Variants in THEMIS observed in about 807,000 individuals in gnomAD.
THEMIS encodes protein THEMIS.
THEMIS carries 37 observed loss-of-function variants against 52.6 expected under a neutral mutation model. The observed-to-expected ratio is 0.70, with a 90% CI of 0.54 to 0.93. THEMIS has a LOEUF of 0.93. Ranked by LOEUF, THEMIS falls within the 40% of genes least tolerant of loss-of-function variation. The pLI, the probability that THEMIS is intolerant of heterozygous loss-of-function variation, is 0.00. For missense variants in THEMIS, 808 were observed against 763.1 expected (o/e 1.06, Z -0.69); for synonymous variants, 292 against 272.7 (o/e 1.07, Z -0.70).
intron 4 of THEMIS, among the ~76,000 whole-genome samples, chr6:127,723,882 C>T (rs1021429598): frequency 2.6e-5 from 4 of 152,042 alleles, no homozygotes; most frequent in Admixed American, 6.6e-5. Flanking sequence ...GTCTATCTCC[C>T]TGGCTAAAAT....
At chr6:127,811,576 C>A (rs916277340) in intron 4 of THEMIS, among the ~76,000 whole-genome samples, 8 of 152,244 alleles carry the variant, frequency 5.3e-5, no homozygotes, top group Admixed American at 5.2e-4. Flanking sequence ...AGCACATGTG[C>A]AAAGTCTCTT....
chr6:127,892,383 G>C (rs1006477746), intron 1 of THEMIS, among the ~76,000 whole-genome samples: 9 of 152,148 alleles, frequency 5.9e-5, no homozygotes, highest in African/African-American at 1.9e-4. Context: ...CCTATCAAAA[G>C]ATCACCTTTC....
At chr6:127,782,037 C>A (rs1054234103) in intron 4 of THEMIS, among the ~76,000 whole-genome samples, 1 of 152,144 alleles carries the variant, frequency 6.6e-6, no homozygotes, top group Non-Finnish European at 1.5e-5. Context: ...AGCAGCTTTG[C>A]CAAGCTGCAG....
At chr6:127,775,816 A>G (rs1414753753) in intron 4 of THEMIS, among the ~76,000 whole-genome samples, 1 of 152,076 alleles carries the variant, frequency 6.6e-6, no homozygotes, top group Non-Finnish European at 1.5e-5. Context: ...TGGTTGTTCA[A>G]ACCTTTCTCT....
At chr6:127,852,207 A>G (rs183595596) in intron 2 of THEMIS, among the ~76,000 whole-genome samples, 2 of 151,696 alleles carry the variant, frequency 1.3e-5, no homozygotes, top group South Asian at 2.1e-4. Context: ...TTACAAATAC[A>G]TATACCCCTA....
intron 3 of THEMIS, among the ~76,000 whole-genome samples, chr6:127,820,516 G>T (rs1778301806): frequency 6.6e-6 from 1 of 152,110 alleles, no homozygotes; most frequent in Admixed American, 6.5e-5. Context: ...TTGACACTTT[G>T]AATGCCAGGC....
intron 1 of THEMIS, among the ~76,000 whole-genome samples, chr6:127,890,197 C>G (rs1464439855): frequency 6.6e-6 from 1 of 152,048 alleles, no homozygotes; most frequent in African/African-American, 2.4e-5. Context: ...TCAAAACAAG[C>G]ACTAAAATAA....
At chr6:127,783,843 C>G (rs950660253) in intron 4 of THEMIS, among the ~76,000 whole-genome samples, 2 of 152,184 alleles carry the variant, frequency 1.3e-5, no homozygotes, top group African/African-American at 4.8e-5. Flanking sequence ...CCTCAAGGAT[C>G]TAGAACCTGA....
chr6:127,818,336 C>A (rs532647762), intron 3 of THEMIS, among the ~76,000 whole-genome samples: 1 of 152,218 alleles, frequency 6.6e-6, no homozygotes, highest in East Asian at 1.9e-4. Flanking sequence ...ATCAACAGTG[C>A]TCCTGTATAA....
chr6:127,700,378 A>C, the THEMIS span, among the ~76,000 whole-genome samples: 1 of 151,898 alleles, frequency 6.6e-6, no homozygotes, highest in Non-Finnish European at 1.5e-5. Flanking sequence ...ACAAAAACAA[A>C]AAAAAAATTA....
At position 127,709,007 on chromosome 6, in the gene THEMIS, T is replaced by A. The variant is rs1773882849; in HGVS notation, c.*978A>T. ...CCAGATAGCCTGTCTCTTCATTTTG[T>A]TAAAGGAAAAATAATATTGTTCCTG... On this transcript the variant is annotated 3_prime_UTR_variant, in exon 6 of 6. Transcript: ENST00000368248. 6.6e-6 allele frequency: 1 copy of A among 151,978 alleles called. No homozygotes were observed. The highest frequency in any genetic ancestry group is 6.6e-5 in the Admixed American group (1 of 15,234). 9.4% of individuals were successfully genotyped at this position (151,978 alleles called of 1,614,324 possible).
At chr6:127,902,752 T>C (rs1012313186), upstream of THEMIS, among the ~76,000 whole-genome samples, 4 of 152,082 alleles carry the variant, frequency 2.6e-5, no homozygotes. Context: ...CTGCCTTCCA[T>C]ACCCCTCCCC....
chr6:127,755,529 A>T lies in THEMIS; in HGVS notation c.1759-35706T>A, dbSNP rs183381313. Reference sequence around the variant, plus strand: ...AAAGATTTTTTTTATTTTGCTATCAACTTTACTATAAGTTTTAATTCTGTG... The same window carrying T: ...AAAGATTTTTTTTATTTTGCTATCATCTTTACTATAAGTTTTAATTCTGTG... On this transcript the variant is annotated intron_variant, in intron 4 of 5. Transcript: ENST00000368248. Among the ~76,000 whole-genome samples the T allele has an allele frequency of 2.4e-4, 36 of 152,274 alleles. 1 individual carries two copies. Among genetic ancestry groups the T allele is most frequent in the Admixed American group, 1.1e-3 (17 of 15,288 alleles).
chr6:127,798,397 A>G (rs1376601794), intron 4 of THEMIS, among the ~76,000 whole-genome samples: 2 of 152,126 alleles, frequency 1.3e-5, no homozygotes, highest in Non-Finnish European at 2.9e-5. Flanking sequence ...GTACATGTGC[A>G]CATTGTGCAG....
chr6:127,713,554 G>T (rs1048543747), intron 5 of THEMIS, among the ~76,000 whole-genome samples: 2 of 151,848 alleles, frequency 1.3e-5, no homozygotes, highest in African/African-American at 4.8e-5. Flanking sequence ...AAAGGACACT[G>T]CAAAATATGT....
chr6:127,843,193 C>T (rs184478958), intron 2 of THEMIS, among the ~76,000 whole-genome samples: 1 of 151,846 alleles, frequency 6.6e-6, no homozygotes, highest in African/African-American at 2.4e-5. Flanking sequence ...TAGTTCAAAT[C>T]TTTTTAACAT....
At chr6:127,865,413 G>A (rs1779944217) in intron 1 of THEMIS, among the ~76,000 whole-genome samples, 1 of 152,076 alleles carries the variant, frequency 6.6e-6, no homozygotes, top group Admixed American at 6.6e-5. Context: ...AAAGCCTGCT[G>A]AGTTAACCCT....
intron 1 of THEMIS, among the ~76,000 whole-genome samples, chr6:127,909,529 A>G (rs1298745771): frequency 3.3e-5 from 5 of 152,104 alleles, no homozygotes; most frequent in African/African-American, 9.7e-5. Context: ...AAGTTTCCTG[A>G]GGCTTCCCCA....
chr6:127,772,221 A>G (rs1297449533), intron 4 of THEMIS, among the ~76,000 whole-genome samples: 3 of 151,968 alleles, frequency 2.0e-5, no homozygotes, highest in Non-Finnish European at 4.4e-5. Flanking sequence ...TAAGACAGAT[A>G]ATGTTAAGTG....
Sources: allele counts gnomAD v4.1 joint callset (sites outside exome capture counted in the v4.1 genomes callset), GRCh38; gene constraint gnomAD v4.1.1; transcripts MANE v1.5; gene names NCBI Gene and HGNC (gene_info 2026-07-23, HGNC 2026-07-21).